The following CLYBL variants were observed in gnomAD, a reference collection of about 807,000 sequenced individuals.
The protein encoded by CLYBL is citramalyl-CoA lyase, also known as citramalyl-CoA lyase, mitochondrial.
Under a neutral mutation model 38.9 loss-of-function variants are expected in CLYBL, and 31 were observed. The observed-to-expected ratio is 0.80, with a 90% CI of 0.60 to 1.08. CLYBL has a LOEUF of 1.08. Ranked by LOEUF, CLYBL falls within the 50% of genes least tolerant of loss-of-function variation. The pLI, the probability that CLYBL is intolerant of heterozygous loss-of-function variation, is 0.00. For missense variants in CLYBL, 434 were observed against 411.6 expected (o/e 1.05, Z -0.47); for synonymous variants, 171 against 158.6 (o/e 1.08, Z -0.59).
intron 2 of CLYBL, among the ~76,000 whole-genome samples, chr13:99,836,852 A>T (rs372820030): frequency 9.9e-5 from 15 of 151,720 alleles, no homozygotes; most frequent in Non-Finnish European, 2.1e-4. Flanking sequence ...AGAACACATG[A>T]ACACAGGAAG....
chr13:99,754,786 G>GT (rs2049028662), intron 1 of CLYBL, among the ~76,000 whole-genome samples: 1 of 150,110 alleles, frequency 6.7e-6, no homozygotes, highest in Non-Finnish European at 1.5e-5. Flanking sequence ...TAGAGACGGG[G>GT]TTTTACCGTG....
At chr13:99,616,972 G>A (rs2046721138) in intron 1 of CLYBL, among the ~76,000 whole-genome samples, 1 of 151,342 alleles carries the variant, frequency 6.6e-6, no homozygotes, top group South Asian at 2.1e-4. Context: ...AATAATAATA[G>A]TAATAATAAT....
intron 1 of CLYBL, among the ~76,000 whole-genome samples, chr13:99,755,238 C>G (rs80271597): frequency 0.01 from 1,590 of 152,298 alleles, 15 homozygotes; most frequent in East Asian, 0.08. Context: ...GTTATGATTT[C>G]TGTCCTCCTC....
At chr13:99,697,338 C>T (rs773691383) in intron 1 of CLYBL, among the ~76,000 whole-genome samples, 1 of 152,162 alleles carries the variant, frequency 6.6e-6, no homozygotes, top group East Asian at 1.9e-4. Context: ...CGTCTTCTTT[C>T]GTGCTGATGT....
At chr13:99,636,169 T>TA (rs1245387118) in intron 1 of CLYBL, among the ~76,000 whole-genome samples, 7 of 152,232 alleles carry the variant, frequency 4.6e-5, no homozygotes, top group African/African-American at 1.4e-4. Context: ...CAGAGACTCT[T>TA]AAAATTATGT....
In CLYBL at chr13:99,611,049, C is replaced by T. The variant is rs1270448965; in HGVS notation, c.62+4292C>T. ...ATTTTCCAGAAATGGGGCTTTCCCC[C>T]TCTAGTGGCTGCCATGCTGCTGGTT... On this transcript the variant is annotated intron_variant, in intron 1 of 8. Coordinates refer to ENST00000339105, the MANE Select transcript of CLYBL (RefSeq NM_206808.5). 4.6e-5 allele frequency among the ~76,000 whole-genome samples: 7 copies of T among 152,220 alleles called. No homozygotes were observed. In the East Asian group the frequency reaches 1.2e-3, roughly 25 times the overall value.
chr13:99,891,683 A>G, intron 8 of CLYBL: 1 of 328,424 alleles, frequency 3.0e-6, no homozygotes, highest in East Asian at 6.3e-5. Context: ...GGGAGGTAAG[A>G]TCCTGGGGAA....
At chr13:99,725,058 C>T (rs759548336) in intron 1 of CLYBL, among the ~76,000 whole-genome samples, 6 of 152,178 alleles carry the variant, frequency 3.9e-5, no homozygotes, top group Non-Finnish European at 5.9e-5. Flanking sequence ...GTTCTTGATG[C>T]GTCCTGCTGA....
At chr13:99,767,203 A>G (rs2049285846) in intron 1 of CLYBL, among the ~76,000 whole-genome samples, 1 of 152,126 alleles carries the variant, frequency 6.6e-6, no homozygotes, top group South Asian at 2.1e-4. Context: ...TAGAAATCCA[A>G]TTGTCTTACC....
At chr13:99,624,674 C>T (rs2763947) in intron 1 of CLYBL, among the ~76,000 whole-genome samples, 60,236 of 151,864 alleles carry the variant, frequency 0.4, 12,283 homozygotes, top group Non-Finnish European at 0.43. Flanking sequence ...TTTACCCCAG[C>T]GCTGAGATAT....
At chr13:99,770,577 A>C (rs1430607389) in intron 1 of CLYBL, among the ~76,000 whole-genome samples, 2 of 152,066 alleles carry the variant, frequency 1.3e-5, no homozygotes, top group African/African-American at 4.8e-5. Flanking sequence ...TCGGCCTCCC[A>C]AAGTGCTAGG....
rs200320429 is a variant in CLYBL at position 99,832,840 on chromosome 13, G to GA, written c.250-26013dup. ...TATGTTATATCAAATCTGTTAAAGGGAAAAAAAAGAAAGAAAAGGAGGGGA... is the reference window on the plus strand; with the variant it reads ...TATGTTATATCAAATCTGTTAAAGGGAAAAAAAAAGAAAGAAAAGGAGGGGA... On this transcript the variant is annotated intron_variant, in intron 2 of 8. Transcript: ENST00000339105. Among the ~76,000 whole-genome samples, 634 of 138,104 alleles carry GA rather than the reference G, an allele frequency of 4.6e-3. 7 individuals are homozygous for GA. Among genetic ancestry groups the GA allele is most frequent in the African/African-American group, 0.016 (597 of 37,450 alleles). The allele number at this position is 138,104 out of a possible 152,430, so 90.6% of individuals were successfully genotyped here.
At chr13:99,721,854 G>A (rs921184035) in intron 1 of CLYBL, among the ~76,000 whole-genome samples, 2 of 152,126 alleles carry the variant, frequency 1.3e-5, no homozygotes, top group African/African-American at 4.8e-5. Flanking sequence ...TCTTCAGCAG[G>A]GGTTATTTTT....
chr13:99,753,751 C>T (rs947484249), intron 1 of CLYBL, among the ~76,000 whole-genome samples: 2 of 152,128 alleles, frequency 1.3e-5, no homozygotes, highest in Non-Finnish European at 2.9e-5. Context: ...AAGTTATTTT[C>T]TGCACTTAGT....
chr13:99,736,668 A>G (rs2048673537), intron 1 of CLYBL, among the ~76,000 whole-genome samples: 1 of 152,004 alleles, frequency 6.6e-6, no homozygotes, highest in Non-Finnish European at 1.5e-5. Context: ...TGTGGCTCCC[A>G]GAATGCATCT....
In CLYBL at chr13:99,840,157, C is replaced by G. The variant is rs182390262; in HGVS notation, c.250-18704C>G. On this transcript the variant is annotated intron_variant, in intron 2 of 8. Coordinates refer to ENST00000339105, the MANE Select transcript of CLYBL (RefSeq NM_206808.5). ...TGGTTATAGAGACAAGACTAACAAC[C>G]CTGCGATGGTCAGAGACACCAGGAG... Among the ~76,000 whole-genome samples, 786 of 151,836 alleles carry G rather than the reference C, an allele frequency of 5.2e-3. 5 individuals carry two copies. The highest frequency in any genetic ancestry group is 0.018 in the African/African-American group (755 of 41,398).
intron 1 of CLYBL, among the ~76,000 whole-genome samples, chr13:99,710,194 G>C (rs948410318): frequency 6.6e-6 from 1 of 152,008 alleles, no homozygotes; most frequent in African/African-American, 2.4e-5. Context: ...TTACAAGCGT[G>C]AGCCACCGTG....
intron 7 of CLYBL, chr13:99,877,673 TTCAAGTGATTCTCCTGCC>T: frequency 3.2e-6 from 1 of 316,542 alleles, no homozygotes; most frequent in South Asian, 2.5e-5. Context: ...GCCTCCCGGG[TTCAAGTGATTCTCCTGCC>T]TCAGCCTCCT....
chr13:99,875,848 C>T (rs1160662152), intron 7 of CLYBL, among the ~76,000 whole-genome samples: 1 of 152,116 alleles, frequency 6.6e-6, no homozygotes, highest in African/African-American at 2.4e-5. Flanking sequence ...TTTAGAGATT[C>T]TTAGTAATTG....
Sources: gnomAD v4.1 joint callset for allele counts (sites outside exome capture counted in the v4.1 genomes callset) on GRCh38, gnomAD v4.1.1 for gene constraint, MANE v1.5 for transcripts, NCBI Gene and HGNC (gene_info 2026-07-23, HGNC 2026-07-21) for gene names.